The following ANGPTL3 variants were observed in gnomAD, a reference collection of about 807,000 sequenced individuals.
ANGPTL3 encodes angiopoietin like 3.
Under a neutral mutation model 52.7 loss-of-function variants are expected in ANGPTL3, and 51 were observed. The ratio of observed to expected loss-of-function variants is 0.97; its 90% CI spans 0.77 to 1.22. The LOEUF (loss-of-function observed/expected upper bound fraction) is 1.22. ANGPTL3 is among the 50% of genes most tolerant of loss of function. ANGPTL3 has a pLI of 0.00. For missense variants in ANGPTL3, 506 were observed against 520.7 expected (o/e 0.97, Z 0.27); for synonymous variants, 185 against 179.8 (o/e 1.03, Z -0.23).
chr1:62,598,121 AT>A (rs1182146389), intron 1 of ANGPTL3, 60 bp downstream of exon 1: 17 of 1,456,754 alleles, frequency 1.2e-5, no homozygotes, highest in Middle Eastern at 2.4e-4. Flanking sequence ...TTTAAAAAAA[AT>A]ATTTCTAAGG....
chr1:62,604,268 A>G lies in ANGPTL3; in HGVS notation c.1198+33A>G, dbSNP rs766645316. 9 of 1,608,940 alleles carry G rather than the reference A, an allele frequency of 5.6e-6. No homozygotes were observed. The East Asian group carries it at 1.1e-4, about 20-fold the overall frequency. On this transcript the variant is annotated intron_variant, in intron 6 of 6. Coordinates refer to ENST00000371129, the MANE Select transcript of ANGPTL3 (RefSeq NM_014495.4). ...TTTCTGATACCAATACTTTATTTTC[A>G]TATCTTCAAAGTATCTTCCCACATT...
Position 62,605,066 on chromosome 1 carries a change from G to T in ANGPTL3, c.*249G>T. ...TGTGATGTGGGAATCAATTTTAGATGGTCACAATCTAGATTATAATCAATA... is the reference window on the plus strand; with the variant it reads ...TGTGATGTGGGAATCAATTTTAGATTGTCACAATCTAGATTATAATCAATA... On this transcript the variant is annotated 3_prime_UTR_variant, in exon 7 of 7. Coordinates refer to ENST00000371129, the MANE Select transcript of ANGPTL3 (RefSeq NM_014495.4). 1 of 409,746 alleles carries T rather than the reference G, an allele frequency of 2.4e-6. No individual in the cohort carries two copies. Among genetic ancestry groups the T allele is most frequent in the Non-Finnish European group, 4.4e-6 (1 of 225,962 alleles). The allele number at this position is 409,746 out of a possible 1,614,324, so 25.4% of individuals were successfully genotyped here.
rs529090153 is a variant in ANGPTL3 at position 62,601,215 on chromosome 1, T to C, written c.721+19T>C. 8.6e-6 allele frequency: 13 copies of C among 1,503,968 alleles called. No homozygotes were observed. The African/African-American group carries it at 1.8e-4, about 21-fold the overall frequency. The allele number at this position is 1,503,968 out of a possible 1,614,324, so 93.2% of individuals were successfully genotyped here. ...CATGATGGTAAGACACTTTGGTGGG[T>C]TTCCTTCTTGAAGCTATTATTATCA... On this transcript the variant is annotated intron_variant, in intron 3 of 6. Coordinates refer to ENST00000371129, the MANE Select transcript of ANGPTL3 (RefSeq NM_014495.4).
intron 5 of ANGPTL3, among the ~76,000 whole-genome samples, chr1:62,603,702 A>G (rs1482201225): frequency 6.6e-6 from 1 of 151,872 alleles, no homozygotes; most frequent in East Asian, 1.9e-4. Flanking sequence ...AATGTAACAC[A>G]TTTCACTGGT....
In ANGPTL3 at chr1:62,604,040, T is replaced by C. The variant is rs12563308; in HGVS notation, c.1003T>C (p.Leu335=). ...ATCTAATTATGTTTTACGAATTGAG[T>C]TGGAAGACTGGAAAGACAACAAACA... ...KQSNYVLRIE[L]EDWKDNKHYI... Residue 335 remains leucine (L), a synonymous_variant, in exon 6 of 7, where the codon TTG becomes CTG. Transcript: ENST00000371129. 18,075 of 1,613,090 alleles carry C rather than the reference T, an allele frequency of 0.011. 682 individuals are homozygous for C. The highest frequency in any genetic ancestry group is 0.11 in the African/African-American group (8,177 of 74,922).
Position 62,602,293 on chromosome 1 carries a change from T to C in ANGPTL3, c.844T>C (p.Trp282Arg), listed in dbSNP as rs776441268. 9.1e-5 allele frequency: 147 copies of C among 1,607,846 alleles called. No homozygotes were observed. Among genetic ancestry groups the C allele is most frequent in the Non-Finnish European group, 1.2e-4 (136 of 1,175,254 alleles). ...TCATTCATTATATTCAGGTAGTCCA[T>C]GGACATTAATTCAACATCGAATAGA... ...VYCDVISGSP[W>R]TLIQHRIDGS... Residue 282 changes from tryptophan (W) to arginine (R), a missense_variant, in exon 5 of 7, where the codon TGG (tryptophan) becomes CGG (arginine). By Grantham distance (101) the Trp-to-Arg change is moderately radical (BLOSUM62 -3). Transcript: ENST00000371129.
chr1:62,600,903 T>C, intron 2 of ANGPTL3, 179 bp from the exon 3 acceptor site: 1 of 527,518 alleles, frequency 1.9e-6, no homozygotes, highest in Non-Finnish European at 3.4e-6. Context: ...TGTCCCTGAT[T>C]AAATATTTTG....
Position 62,606,152 on chromosome 1 carries a change from A to G in ANGPTL3, c.*1335A>G, listed in dbSNP as rs1650951068. 6.6e-6 allele frequency: 1 copy of G among 152,014 alleles called. No homozygotes were observed. The highest frequency in any genetic ancestry group is 2.4e-5 in the African/African-American group (1 of 41,426). The allele number at this position is 152,014 out of a possible 1,614,324, so 9.4% of individuals were successfully genotyped here. Reference sequence around the variant, plus strand: ...GTACAAAATAATAAAGGTAAAAATAATCTATAATTTTCAGGACCACAGACT... The same window carrying G: ...GTACAAAATAATAAAGGTAAAAATAGTCTATAATTTTCAGGACCACAGACT... On this transcript the variant is annotated 3_prime_UTR_variant, in exon 7 of 7. Coordinates refer to ENST00000371129, the MANE Select transcript of ANGPTL3 (RefSeq NM_014495.4).
chr1:62,599,796 A>G (rs1229985074), intron 2 of ANGPTL3, among the ~76,000 whole-genome samples: 1 of 152,050 alleles, frequency 6.6e-6, no homozygotes, highest in Non-Finnish European at 1.5e-5. Flanking sequence ...AATGTAATTA[A>G]TCTACAATGT....
In ANGPTL3 at chr1:62,604,422, T is replaced by C. The variant is rs1461804651; in HGVS notation, c.1198+187T>C. ...GTTCAATCAGGTATTTTACCTCTAA[T>C]CTTCCTCAGATTTTCTATTTTTTGG... On this transcript the variant is annotated intron_variant, in intron 6 of 6. Coordinates refer to ENST00000371129, the MANE Select transcript of ANGPTL3 (RefSeq NM_014495.4). 5 of 891,306 alleles carry C rather than the reference T, an allele frequency of 5.6e-6. No homozygotes were observed. The African/African-American group carries it at 8.5e-5, about 15-fold the overall frequency. 55.2% of individuals were successfully genotyped at this position (891,306 alleles called of 1,614,324 possible).
chr1:62,598,722 C>T lies in ANGPTL3; in HGVS notation c.522C>T (p.Ser174=), dbSNP rs767783332. 18 of 1,610,070 alleles carry T rather than the reference C, an allele frequency of 1.1e-5. No individual in the cohort carries two copies. Among genetic ancestry groups the T allele is most frequent in the Non-Finnish European group, 1.5e-5 (18 of 1,176,938 alleles). ...LKTFVEKQDN[S]IKDLLQTVED... is the part of the protein sequence containing the mutation. ...CTTTTGTAGAAAAACAAGATAATAG[C>T]ATCAAAGACCTTCTCCAGACCGTGG... The change falls in exon 2 of 7, where the codon AGC becomes AGT. Residue 174 remains serine, a synonymous_variant. Coordinates refer to ENST00000371129, the MANE Select transcript of ANGPTL3 (RefSeq NM_014495.4).
chr1:62,601,332 T>C, intron 3 of ANGPTL3, 136 bp downstream of exon 3: 1 of 671,070 alleles, frequency 1.5e-6, no homozygotes, highest in Non-Finnish European at 2.7e-6. Context: ...GATGCTGGGG[T>C]TCTTTTTACA....
rs779437563 is a variant in ANGPTL3 at position 62,597,633 on chromosome 1, A to AG, written c.67_68insG (p.Asn23ArgfsTer5). ...TATTTCCTCCAGAATTGATCAAGAC[A>AG]ATTCATCATTTGATTCTCTATCTCC... On this transcript the variant is annotated frameshift_variant, in exon 1 of 7. Transcript: ENST00000371129. LOFTEE classifies it high-confidence loss of function. 6.2e-7 allele frequency: 1 copy of AG among 1,613,246 alleles called. No homozygotes were observed. Among genetic ancestry groups the AG allele is most frequent in the Non-Finnish European group, 8.5e-7 (1 of 1,179,490 alleles).
intron 2 of ANGPTL3, among the ~76,000 whole-genome samples, chr1:62,599,104 A>G (rs1649734452): frequency 6.6e-6 from 1 of 152,086 alleles, no homozygotes; most frequent in South Asian, 2.1e-4. Context: ...AATTCATAGC[A>G]GCCAATGTCA....
intron 2 of ANGPTL3, among the ~76,000 whole-genome samples, chr1:62,599,342 G>T (rs920319953): frequency 6.6e-6 from 1 of 151,868 alleles, no homozygotes; most frequent in African/African-American, 2.4e-5. Flanking sequence ...TAACTGGAAC[G>T]CTCTTCTGCC....
chr1:62,600,622 T>C (rs1335965266), intron 2 of ANGPTL3, among the ~76,000 whole-genome samples: 1 of 151,840 alleles, frequency 6.6e-6, no homozygotes, highest in Admixed American at 6.6e-5. Flanking sequence ...TCTACAGATA[T>C]GTTTACAGGT....
intron 2 of ANGPTL3, among the ~76,000 whole-genome samples, chr1:62,600,557 G>T (rs772999204): frequency 6.6e-6 from 1 of 151,676 alleles, no homozygotes; most frequent in Non-Finnish European, 1.5e-5. Flanking sequence ...CTAAACTAAC[G>T]ATAAACTACT....
At position 62,598,159 on chromosome 1, in the gene ANGPTL3, T is replaced by C. The variant is rs17123725; in HGVS notation, c.495+98T>C. Reference sequence around the variant, plus strand: ...ATGCCATTTGAAATACTTTGTTGCATTGTTGAAATACTTTTTTTTCCAAGA... The same window carrying C: ...ATGCCATTTGAAATACTTTGTTGCACTGTTGAAATACTTTTTTTTCCAAGA... On this transcript the variant is annotated intron_variant, in intron 1 of 6. Coordinates refer to ENST00000371129, the MANE Select transcript of ANGPTL3 (RefSeq NM_014495.4). The C allele has an allele frequency of 0.012, 13,569 of 1,127,962 alleles. 565 individuals carry two copies. The highest frequency in any genetic ancestry group is 0.11 in the African/African-American group (6,700 of 61,676). 69.9% of individuals were successfully genotyped at this position (1,127,962 alleles called of 1,614,324 possible). A position where few individuals can be genotyped will look rare whatever the true frequency, so the allele number is the denominator to read the frequency against.
intron 5 of ANGPTL3, 103 bp from the exon 6 acceptor site, chr1:62,603,866 C>A: frequency 9.0e-7 from 1 of 1,115,006 alleles, no homozygotes; most frequent in Non-Finnish European, 1.3e-6. Flanking sequence ...GGATTCAAGA[C>A]TAAACAACTC....
Sources: gnomAD v4.1 joint callset for allele counts (sites outside exome capture counted in the v4.1 genomes callset) on GRCh38, gnomAD v4.1.1 for gene constraint, MANE v1.5 for transcripts, NCBI Gene and HGNC (gene_info 2026-07-23, HGNC 2026-07-21) for gene names.